PLA2G7: variants seen among roughly 807,000 people sequenced by gnomAD.
PLA2G7 encodes phospholipase A2 group VII, also known as platelet-activating factor acetylhydrolase.
PLA2G7 carries 63 observed loss-of-function variants against 49.6 expected under a neutral mutation model. That is an observed-to-expected ratio of 1.27 (90% CI 1.04 to 1.57). The LOEUF (loss-of-function observed/expected upper bound fraction) is 1.57. Among genes scored for constraint, PLA2G7 ranks in the 40% most tolerant of loss-of-function variants. The pLI is 0.00. For synonymous variants in PLA2G7, 193 were observed against 169.9 expected (o/e 1.14, Z -1.06); for missense variants, 596 against 521.2 (o/e 1.14, Z -1.40).
chr6:46,705,763 TTCCCAGTATTA>T (rs1764800044), intron 10 of PLA2G7, among the ~76,000 whole-genome samples: 1 of 152,234 alleles, frequency 6.6e-6, no homozygotes, highest in Non-Finnish European at 1.5e-5. Context: ...AACACCACTT[TTCCCAGTATTA>T]AACTGTAAGC....
chr6:46,714,363 G>A, intron 5 of PLA2G7, 97 bp downstream of exon 5: 1 of 811,872 alleles, frequency 1.2e-6, no homozygotes, highest in Non-Finnish European at 2.2e-6. Flanking sequence ...CCAGACAAGG[G>A]CCTGCATGAC....
intron 2 of PLA2G7, among the ~76,000 whole-genome samples, chr6:46,717,709 CTTTTT>C (rs1765262128): frequency 8.6e-6 from 1 of 116,206 alleles, no homozygotes; most frequent in Non-Finnish European, 1.6e-5. Context: ...TTTCTTTTTT[CTTTTT>C]CTTTTTTTTT....
intron 1 of PLA2G7, among the ~76,000 whole-genome samples, chr6:46,729,527 T>C (rs910619852): frequency 6.6e-6 from 1 of 152,218 alleles, no homozygotes; most frequent in African/African-American, 2.4e-5. Context: ...AATGAACTCA[T>C]TTAGTCCTCA....
At chr6:46,719,187 C>G (rs142542642) in intron 2 of PLA2G7, among the ~76,000 whole-genome samples, 5 of 152,222 alleles carry the variant, frequency 3.3e-5, no homozygotes, top group Admixed American at 1.3e-4. Context: ...TCTCTGCTAG[C>G]CAGCTATCAA....
intron 2 of PLA2G7, among the ~76,000 whole-genome samples, chr6:46,717,995 C>T (rs574476364): frequency 8.4e-4 from 128 of 152,282 alleles, no homozygotes; most frequent in Middle Eastern, 3.4e-3. Context: ...GGTTTACAGG[C>T]GTGAACCACC....
intron 4 of PLA2G7, 119 bp downstream of exon 4, chr6:46,716,265 T>G: frequency 1.0e-6 from 1 of 954,462 alleles, no homozygotes; most frequent in Non-Finnish European, 1.7e-6. Context: ...CCTTATCATT[T>G]TAGGAGCTAT....
At chr6:46,718,853 T>A (rs1386728306) in intron 2 of PLA2G7, among the ~76,000 whole-genome samples, 1 of 152,226 alleles carries the variant, frequency 6.6e-6, no homozygotes, top group African/African-American at 2.4e-5. Context: ...TGTCTTTGCA[T>A]CCTCTTAACA....
upstream of PLA2G7, chr6:46,735,414 C>G (rs1218523585): frequency 6.6e-6 from 1 of 152,458 alleles, no homozygotes; most frequent in Non-Finnish European, 1.5e-5. Flanking sequence ...GGCCCCGACC[C>G]TCTCCTCCCC....
intron 11 of PLA2G7, 51 bp downstream of exon 11, chr6:46,705,102 C>CT: frequency 7.4e-7 from 1 of 1,344,742 alleles, no homozygotes; most frequent in South Asian, 1.2e-5. Flanking sequence ...AGATAGACAG[C>CT]TTTGTCCTGA....
chr6:46,710,385 T>C (rs1339263808), intron 8 of PLA2G7, 160 bp downstream of exon 8: 1 of 638,138 alleles, frequency 1.6e-6, no homozygotes, highest in East Asian at 2.7e-5. Context: ...ATTGCTGCAA[T>C]ACTTTACCTG....
chr6:46,716,337 T>C, intron 4 of PLA2G7, 47 bp downstream of exon 4: 1 of 1,603,358 alleles, frequency 6.2e-7, no homozygotes, highest in Middle Eastern at 1.7e-4. Flanking sequence ...TTTTCAAGGT[T>C]TTCATACATG....
intron 7 of PLA2G7, 24 bp downstream of exon 7, chr6:46,711,472 A>G: frequency 3.7e-6 from 6 of 1,612,774 alleles, no homozygotes; most frequent in Non-Finnish European, 5.1e-6. Context: ...GTCACCAACC[A>G]CCTCTCCTTT....
In PLA2G7 at chr6:46,704,476, TCTCACACACA is replaced by T. The variant is rs1320715879; in HGVS notation, c.*74_*83del. ...CTCTCTCTCTCTCTCTCTCTCTCTC[TCTCACACACA>T]CACACACACACACACACACACACAT... is the stretch of plus-strand genomic sequence containing the variant. On this transcript the variant is annotated 3_prime_UTR_variant, in exon 12 of 12. Transcript: ENST00000274793. The T allele has an allele frequency of 3.0e-3, 159 of 52,202 alleles. No homozygotes were observed. Among genetic ancestry groups the T allele is most frequent in the African/African-American group, 0.02 (85 of 4,240 alleles). The allele number at this position is 52,202 out of a possible 1,614,324, so 3.2% of individuals were successfully genotyped here. A position where few individuals can be genotyped will look rare whatever the true frequency, so the allele number is the denominator to read the frequency against.
At chr6:46,710,445 G>T in intron 8 of PLA2G7, 100 bp downstream of exon 8, 1 of 783,470 alleles carries the variant, frequency 1.3e-6, no homozygotes, top group Non-Finnish European at 2.2e-6. Context: ...GCTGGTTGCA[G>T]CCCTTTATCA....
At chr6:46,707,629 TAA>T (rs924796437) in intron 10 of PLA2G7, among the ~76,000 whole-genome samples, 12 of 152,186 alleles carry the variant, frequency 7.9e-5, no homozygotes, top group African/African-American at 2.9e-4. Context: ...ACCATAATTG[TAA>T]GTTTCCTGAG....
chr6:46,720,270 C>G (rs1049249349), intron 2 of PLA2G7, among the ~76,000 whole-genome samples: 5 of 152,220 alleles, frequency 3.3e-5, no homozygotes, highest in African/African-American at 1.2e-4. Context: ...GAGGGTTTCA[C>G]CCAACACAAG....
intron 3 of PLA2G7, among the ~76,000 whole-genome samples, 180 bp from the exon 4 acceptor site, chr6:46,716,708 A>G (rs1203854726): frequency 6.6e-6 from 1 of 152,226 alleles, no homozygotes; most frequent in East Asian, 1.9e-4. Context: ...CAGAAAAACA[A>G]TATTCTATCT....
intron 1 of PLA2G7, among the ~76,000 whole-genome samples, chr6:46,732,709 G>A (rs1331866209): frequency 6.6e-6 from 1 of 152,106 alleles, no homozygotes; most frequent in Non-Finnish European, 1.5e-5. Context: ...CTACATGTTT[G>A]TATGTATTAG....
At chr6:46,734,271 C>G (rs1265966781) in intron 1 of PLA2G7, among the ~76,000 whole-genome samples, 1 of 151,754 alleles carries the variant, frequency 6.6e-6, no homozygotes, top group Non-Finnish European at 1.5e-5. Context: ...ACAGCAGCCA[C>G]GCATAACTGG....
Sources: gnomAD v4.1 joint callset for allele counts (sites outside exome capture counted in the v4.1 genomes callset) on GRCh38, gnomAD v4.1.1 for gene constraint, MANE v1.5 for transcripts, NCBI Gene and HGNC (gene_info 2026-07-23, HGNC 2026-07-21) for gene names.